The following STX8 variants were observed in gnomAD, a reference collection of about 807,000 sequenced individuals.
STX8 encodes the protein syntaxin 8, also known as syntaxin-8.
In STX8, 23 loss-of-function variants were observed where a neutral mutation model predicts 37.5. The ratio of observed to expected loss-of-function variants is 0.61; its 90% CI spans 0.44 to 0.87. The LOEUF (loss-of-function observed/expected upper bound fraction) is 0.87, where lower values mean the gene tolerates loss of function less well. Among genes scored for constraint, STX8 ranks in the 40% least tolerant of loss-of-function variants. The pLI, the probability that STX8 is intolerant of heterozygous loss-of-function variation, is 0.00. For synonymous variants in STX8, 115 were observed against 99.1 expected (o/e 1.16, Z -0.95); for missense variants, 313 against 284.7 (o/e 1.10, Z -0.71).
intron 6 of STX8, among the ~76,000 whole-genome samples, chr17:9,401,790 G>A (rs747611990): frequency 2.6e-5 from 4 of 152,198 alleles, no homozygotes; most frequent in Non-Finnish European, 5.9e-5. Flanking sequence ...CTGTCAGTTA[G>A]AAAGCCAAAG....
At chr17:9,539,510 G>A (rs1339345337) in intron 4 of STX8, among the ~76,000 whole-genome samples, 1 of 152,166 alleles carries the variant, frequency 6.6e-6, no homozygotes, top group African/African-American at 2.4e-5. Context: ...TTGTGGTCAT[G>A]GTCTAGCATT....
chr17:9,341,913 G>C (rs1252967732), intron 7 of STX8, among the ~76,000 whole-genome samples: 2 of 152,172 alleles, frequency 1.3e-5, no homozygotes, highest in Non-Finnish European at 1.5e-5. Context: ...CAAGGTGGCA[G>C]ACGAGACCAT....
At position 9,494,016 on chromosome 17, in the gene STX8, G is replaced by T. The variant is rs559842613; in HGVS notation, c.449-2095C>A. On this transcript the variant is annotated intron_variant, in intron 5 of 7. Coordinates refer to ENST00000306357, the MANE Select transcript of STX8 (RefSeq NM_004853.3). ...TTGTTTTTTTTTGTTTTGTTTTTTT[G>T]TTGTTGTTGTTGTTTTTGAGATGGA... Among the ~76,000 whole-genome samples the T allele has an allele frequency of 7.8e-3, 1,148 of 147,624 alleles. 14 individuals carry two copies. Among genetic ancestry groups the T allele is most frequent in the African/African-American group, 0.019 (778 of 40,362 alleles).
intron 6 of STX8, among the ~76,000 whole-genome samples, chr17:9,455,725 T>C (rs1485314578): frequency 2.0e-5 from 3 of 152,190 alleles, no homozygotes; most frequent in African/African-American, 7.2e-5. Flanking sequence ...ACTTAAAATA[T>C]GGACAGGAAT....
intron 7 of STX8, among the ~76,000 whole-genome samples, chr17:9,278,630 G>A (rs949463096): frequency 6.6e-6 from 1 of 152,186 alleles, no homozygotes; most frequent in Non-Finnish European, 1.5e-5. Flanking sequence ...ATATGCTGCA[G>A]AGGGATTTAA....
intron 6 of STX8, among the ~76,000 whole-genome samples, chr17:9,416,327 T>C (rs531656006): frequency 2.0e-5 from 3 of 152,218 alleles, no homozygotes; most frequent in African/African-American, 7.2e-5. Flanking sequence ...TGCTCAGTCC[T>C]GGACACAGGC....
At chr17:9,253,331 C>T (rs1906664784) in intron 7 of STX8, among the ~76,000 whole-genome samples, 1 of 151,680 alleles carries the variant, frequency 6.6e-6, no homozygotes, top group Admixed American at 6.6e-5. Flanking sequence ...ATATCTTAGT[C>T]CATCTTCTTG....
At chr17:9,568,347 G>A (rs1177333630) in intron 2 of STX8, 24 bp downstream of exon 2, 5 of 1,572,170 alleles carry the variant, frequency 3.2e-6, no homozygotes, top group Middle Eastern at 2.3e-4. Flanking sequence ...AAATCATTGG[G>A]TACTAATTCC....
At chr17:9,327,106 G>A (rs1597606297) in intron 7 of STX8, among the ~76,000 whole-genome samples, 1 of 150,810 alleles carries the variant, frequency 6.6e-6, no homozygotes, top group Non-Finnish European at 1.5e-5. Context: ...GCAGTGAGCC[G>A]AGATCACGCC....
intron 7 of STX8, among the ~76,000 whole-genome samples, chr17:9,356,842 T>C (rs1442691479): frequency 6.6e-6 from 1 of 152,086 alleles, no homozygotes; most frequent in Admixed American, 6.6e-5. Flanking sequence ...TACTGTGGTG[T>C]GCAGCAGCGC....
chr17:9,269,003 C>A (rs1000646892), intron 7 of STX8, among the ~76,000 whole-genome samples: 1 of 144,216 alleles, frequency 6.9e-6, no homozygotes, highest in Non-Finnish European at 1.6e-5. Flanking sequence ...CTGGCTAAAA[C>A]GGTGAAACCC....
chr17:9,293,720 C>G (rs1428007785), intron 7 of STX8, among the ~76,000 whole-genome samples: 3 of 151,938 alleles, frequency 2.0e-5, no homozygotes, highest in African/African-American at 7.2e-5. Flanking sequence ...TTGCAGTAAC[C>G]CCAGATGTCA....
chr17:9,546,606 T>G (rs1165820427), intron 3 of STX8, among the ~76,000 whole-genome samples: 1 of 136,062 alleles, frequency 7.3e-6, no homozygotes, highest in African/African-American at 2.8e-5. Flanking sequence ...TTTTTTTTTT[T>G]TTTTTTTTTG....
At chr17:9,362,824 G>A (rs1380190301) in intron 7 of STX8, among the ~76,000 whole-genome samples, 6 of 99,610 alleles carry the variant, frequency 6.0e-5, no homozygotes, top group African/African-American at 2.3e-4. Flanking sequence ...GTGAGACTCC[G>A]TCTCAAAAAA....
intron 7 of STX8, among the ~76,000 whole-genome samples, chr17:9,329,276 C>T: frequency 6.6e-6 from 1 of 152,134 alleles, no homozygotes; most frequent in Non-Finnish European, 1.5e-5. Context: ...ATTACTTTCA[C>T]CTCCTTTTAT....
At chr17:9,387,297 C>CT (rs918640141) in intron 6 of STX8, among the ~76,000 whole-genome samples, 3 of 151,396 alleles carry the variant, frequency 2.0e-5, no homozygotes, top group Non-Finnish European at 2.9e-5. Flanking sequence ...TAAAAGTGGG[C>CT]TTTTTTTTCT....
intron 2 of STX8, among the ~76,000 whole-genome samples, chr17:9,561,468 A>G (rs765386437): frequency 4.6e-5 from 7 of 152,008 alleles, no homozygotes; most frequent in Non-Finnish European, 7.4e-5. Context: ...AGACCAGCCT[A>G]GCCAACATGG....
chr17:9,288,700 AAAT>A (rs1284746255), intron 7 of STX8, among the ~76,000 whole-genome samples: 2 of 151,356 alleles, frequency 1.3e-5, no homozygotes. Context: ...ATAAATAAAT[AAAT>A]AAAAGAATTT....
intron 7 of STX8, among the ~76,000 whole-genome samples, chr17:9,263,772 T>C (rs1413258410): frequency 6.6e-6 from 1 of 152,222 alleles, no homozygotes; most frequent in Non-Finnish European, 1.5e-5. Context: ...AGTATGTGCA[T>C]TTTTTATTTT....
Sources: gnomAD v4.1 joint callset for allele counts (sites outside exome capture counted in the v4.1 genomes callset) on GRCh38, gnomAD v4.1.1 for gene constraint, MANE v1.5 for transcripts, NCBI Gene and HGNC (gene_info 2026-07-23, HGNC 2026-07-21) for gene names.